HSD17B2: variants seen among roughly 807,000 people sequenced by gnomAD.
HSD17B2 encodes the protein hydroxysteroid 17-beta dehydrogenase 2.
HSD17B2 carries 32 observed loss-of-function variants against 26.9 expected under a neutral mutation model. The ratio of observed to expected loss-of-function variants is 1.19; its 90% CI spans 0.90 to 1.60. HSD17B2 has a LOEUF of 1.60. Among genes scored for constraint, HSD17B2 ranks in the 40% most tolerant of loss-of-function variants. The pLI is 0.00. For missense variants in HSD17B2, 613 were observed against 468.6 expected (o/e 1.31, Z -2.85); for synonymous variants, 246 against 186.7 (o/e 1.32, Z -2.59).
chr16:82,072,211 G>GGAGA (rs148943235), intron 3 of HSD17B2, among the ~76,000 whole-genome samples: 11 of 151,070 alleles, frequency 7.3e-5, no homozygotes, highest in South Asian at 2.1e-4. Flanking sequence ...AAGAAGGTAG[G>GGAGA]GAGAGAGAGA....
At chr16:82,069,134 AG>A (rs1201980067) in intron 2 of HSD17B2, among the ~76,000 whole-genome samples, 5 of 152,144 alleles carry the variant, frequency 3.3e-5, no homozygotes, top group Non-Finnish European at 7.3e-5. Flanking sequence ...CTCACTGTTC[AG>A]CCCCCACTTA....
intron 4 of HSD17B2, chr16:82,093,885 C>A (rs1292420063): frequency 1.3e-5 from 2 of 152,194 alleles, no homozygotes; most frequent in South Asian, 4.1e-4. Flanking sequence ...TGGCCTGGAA[C>A]TGTGGGTTCC....
At chr16:82,040,437 C>A (rs1913736884) in intron 1 of HSD17B2, among the ~76,000 whole-genome samples, 3 of 152,178 alleles carry the variant, frequency 2.0e-5, no homozygotes, top group Admixed American at 6.5e-5. Context: ...CAAGGAAATG[C>A]GTCCAAAGTC....
In HSD17B2 at chr16:82,035,552, G is replaced by C. The variant is rs1290807532; in HGVS notation, c.128G>C (p.Gly43Ala). The C allele has an allele frequency of 1.2e-6, 2 of 1,613,962 alleles. No individual in the cohort carries two copies. The highest frequency in any genetic ancestry group is 1.1e-5 in the South Asian group (1 of 91,082). Residue 43 changes from glycine (G) to alanine (A), a missense_variant, in exon 1 of 5, where the codon GGC (glycine) becomes GCC (alanine). Physicochemically the swap from Gly to Ala is moderately conservative, Grantham distance 60 (BLOSUM62 0). Transcript: ENST00000199936. The part of the protein sequence containing the change: ...QLWSWMVCLA[G>A]LCAVCLLILS... ...TGGAGCTGGATGGTCTGCCTGGCAG[G>C]CCTCTGTGCAGTCTGCCTGCTCATC...
intron 1 of HSD17B2, among the ~76,000 whole-genome samples, chr16:82,053,422 A>T (rs568402841): frequency 6.6e-6 from 1 of 152,018 alleles, no homozygotes; most frequent in African/African-American, 2.4e-5. Flanking sequence ...CCCGAGTTTT[A>T]ATTTTTATTT....
At chr16:82,097,313 T>TA (rs1323016076) in intron 4 of HSD17B2, 4 of 150,784 alleles carry the variant, frequency 2.7e-5, no homozygotes, top group Non-Finnish European at 5.9e-5. Context: ...TACACATATA[T>TA]ATGTGTGTGT....
intron 4 of HSD17B2, chr16:82,095,062 G>A (rs1029369291): frequency 6.6e-6 from 1 of 152,226 alleles, no homozygotes; most frequent in African/African-American, 2.4e-5. Flanking sequence ...GATGGCAAAA[G>A]GCTGATGGCT....
At position 82,068,237 on chromosome 16, in the gene HSD17B2, C is replaced by T. The variant is rs201745159; in HGVS notation, c.333C>T (p.Ala111=). Residue 111 remains alanine, a synonymous_variant, in exon 2 of 5, where the codon GCC becomes GCT. Coordinates refer to ENST00000199936, the MANE Select transcript of HSD17B2 (RefSeq NM_002153.3). ...YLDELGFTVF[A]GVLNENGPGA... is the part of the protein sequence containing the mutation. The stretch of plus-strand genomic sequence containing the variant: ...ATGAGCTGGGCTTCACGGTATTTGC[C>T]GGAGTTTTGAATGAAAATGGCCCAG... The T allele has an allele frequency of 5.2e-5, 84 of 1,613,964 alleles. No homozygotes were observed. In the East Asian group the frequency reaches 1.3e-3, roughly 24 times the overall value.
At position 82,090,902 on chromosome 16, in the gene HSD17B2, G is replaced by A. The variant is rs1361950607; in HGVS notation, c.665G>A (p.Gly222Glu). The A allele has an allele frequency of 1.9e-6, 3 of 1,609,936 alleles. No homozygotes were observed. The African/African-American group carries it at 4.0e-5, about 22-fold the overall frequency. Residue 222 changes from glycine to glutamate, a missense_variant and splice_region_variant, in exon 4 of 5, where the codon GGA (glycine) becomes GAA (glutamate). Physicochemically the swap from Gly to Glu is moderately conservative, Grantham distance 98. Coordinates refer to ENST00000199936, the MANE Select transcript of HSD17B2 (RefSeq NM_002153.3). ...TCTTTTTCTCCCATTATTCCCATAG[G>A]AGGGGCCCCAATGGAAAGGCTGGCA... ...GRLVNVSSMG[G>E]GAPMERLASY...
chr16:82,068,033 A>G, intron 1 of HSD17B2, 137 bp from the exon 2 acceptor site: 1 of 733,302 alleles, frequency 1.4e-6, no homozygotes, highest in Non-Finnish European at 2.2e-6. Context: ...CACTTAGAAC[A>G]TAAAGAAACT....
intron 1 of HSD17B2, among the ~76,000 whole-genome samples, chr16:82,040,437 C>T (rs1913736884): frequency 1.3e-5 from 2 of 152,178 alleles, no homozygotes; most frequent in Non-Finnish European, 2.9e-5. Flanking sequence ...CAAGGAAATG[C>T]GTCCAAAGTC....
chr16:82,039,341 GA>G (rs1913706785), intron 1 of HSD17B2, among the ~76,000 whole-genome samples: 1 of 151,780 alleles, frequency 6.6e-6, no homozygotes, highest in Non-Finnish European at 1.5e-5. Context: ...GAGAGAGAGA[GA>G]GAGAGAGAGG....
At chr16:82,054,856 C>A (rs1300592840) in intron 1 of HSD17B2, among the ~76,000 whole-genome samples, 2 of 152,084 alleles carry the variant, frequency 1.3e-5, no homozygotes, top group Non-Finnish European at 2.9e-5. Flanking sequence ...CAAGTCACAC[C>A]TTGGTTCAAA....
chr16:82,080,851 GTCAA>G (rs1904359911), intron 3 of HSD17B2, among the ~76,000 whole-genome samples: 1 of 152,194 alleles, frequency 6.6e-6, no homozygotes, highest in South Asian at 2.1e-4. Context: ...AAAAGGCAGA[GTCAA>G]TCAAACAGAT....
intron 1 of HSD17B2, among the ~76,000 whole-genome samples, chr16:82,041,916 T>C (rs1436191071): frequency 6.6e-6 from 1 of 152,212 alleles, no homozygotes; most frequent in Non-Finnish European, 1.5e-5. Flanking sequence ...TCCAGAATTT[T>C]AGCCTGAAAC....
rs772847067 is a variant in HSD17B2 at position 82,068,246 on chromosome 16, GA to G, written c.344del (p.Asn115MetfsTer31). On this transcript the variant is annotated frameshift_variant, in exon 2 of 5. Coordinates refer to ENST00000199936, the MANE Select transcript of HSD17B2 (RefSeq NM_002153.3). LOFTEE classifies it high-confidence loss of function. ...LGFTVFAGVL[N>X]ENGPGAEELR... ...GCTTCACGGTATTTGCCGGAGTTTTGAATGAAAATGGCCCAGGAGCTGAGGA... is the reference window on the plus strand; with the variant it reads ...GCTTCACGGTATTTGCCGGAGTTTTGATGAAAATGGCCCAGGAGCTGAGGA... The G allele has an allele frequency of 1.2e-6, 2 of 1,614,010 alleles. No individual in the cohort carries two copies. Among genetic ancestry groups the G allele is most frequent in the African/African-American group, 2.7e-5 (2 of 74,982 alleles).
intron 1 of HSD17B2, among the ~76,000 whole-genome samples, chr16:82,064,131 A>G (rs779943572): frequency 1.3e-4 from 20 of 152,212 alleles, no homozygotes; most frequent in Non-Finnish European, 2.2e-4. Flanking sequence ...AGGCTCTTCC[A>G]AGGAACTTTC....
chr16:82,070,026 A>C (rs1914661445), intron 2 of HSD17B2, among the ~76,000 whole-genome samples: 1 of 152,124 alleles, frequency 6.6e-6, no homozygotes, highest in African/African-American at 2.4e-5. Flanking sequence ...TAACTCCCAA[A>C]TCTATTACTA....
intron 1 of HSD17B2, among the ~76,000 whole-genome samples, chr16:82,042,906 C>G (rs1027007166): frequency 3.9e-5 from 6 of 152,234 alleles, no homozygotes; most frequent in Non-Finnish European, 7.3e-5. Flanking sequence ...CAGGTGTAAG[C>G]CACTGCATCT....
Sources: gnomAD v4.1 joint callset for allele counts (sites outside exome capture counted in the v4.1 genomes callset) on GRCh38, gnomAD v4.1.1 for gene constraint, MANE v1.5 for transcripts, NCBI Gene and HGNC (gene_info 2026-07-23, HGNC 2026-07-21) for gene names.